The following BTRC variants were observed in gnomAD, a reference collection of about 807,000 sequenced individuals.
BTRC encodes the protein F-box/WD repeat-containing protein 1A.
In BTRC, 42 loss-of-function variants were observed where a neutral mutation model predicts 85.5. That is an observed-to-expected ratio of 0.49 (90% confidence interval 0.38 to 0.64). BTRC has a LOEUF of 0.64. BTRC is among the 30% of genes least tolerant of loss of function. The probability of loss-of-function intolerance (pLI) is 0.00; values close to 1 mark genes in which losing one functional copy is unlikely to be tolerated. For synonymous variants in BTRC, 255 were observed against 263.3 expected (o/e 0.97, Z 0.30); for missense variants, 594 against 743.5 (o/e 0.80, Z 2.34).
At chr10:101,357,399 C>T (rs1942069047) in intron 1 of BTRC, among the ~76,000 whole-genome samples, 1 of 140,646 alleles carries the variant, frequency 7.1e-6, no homozygotes, top group Non-Finnish European at 1.5e-5. Context: ...TGAGATCGTG[C>T]CATTACACTC....
chr10:101,456,508 G>A (rs1945087648), intron 2 of BTRC, among the ~76,000 whole-genome samples: 1 of 151,822 alleles, frequency 6.6e-6, no homozygotes, highest in Admixed American at 6.6e-5. Flanking sequence ...GATGGTAAAA[G>A]AGTGCTTTAA....
At chr10:101,539,049 TAAAA>T (rs34996474) in intron 13 of BTRC, among the ~76,000 whole-genome samples, 1 of 141,262 alleles carries the variant, frequency 7.1e-6, no homozygotes, top group Admixed American at 7.0e-5. Context: ...AACTCTGTCT[TAAAA>T]AAAAAAAAAA....
chr10:101,420,482 G>A (rs1944070776), intron 1 of BTRC, among the ~76,000 whole-genome samples: 3 of 151,846 alleles, frequency 2.0e-5, no homozygotes, highest in Admixed American at 1.3e-4. Context: ...TTCTTCTGCC[G>A]ACATGGGCAA....
At chr10:101,423,455 A>G (rs1427254268) in intron 1 of BTRC, among the ~76,000 whole-genome samples, 1 of 152,188 alleles carries the variant, frequency 6.6e-6, no homozygotes, top group African/African-American at 2.4e-5. Context: ...ATATTTGAAA[A>G]TTTACCTAAA....
At chr10:101,463,753 A>G (rs1945291156) in intron 3 of BTRC, among the ~76,000 whole-genome samples, 1 of 152,140 alleles carries the variant, frequency 6.6e-6, no homozygotes, top group Non-Finnish European at 1.5e-5. Context: ...TGATACTCAG[A>G]TCTCAGTGTT....
chr10:101,384,011 C>A lies in BTRC; in HGVS notation c.48+29783C>A, dbSNP rs528341280. ...GGTACCACAGGCTTGTATCACCATGCCCTGTCTAGGTTATTGTAAAACATA... is the reference window on the plus strand; with the variant it reads ...GGTACCACAGGCTTGTATCACCATGACCTGTCTAGGTTATTGTAAAACATA... On this transcript the variant is annotated intron_variant, in intron 1 of 14. Coordinates refer to ENST00000370187, the MANE Select transcript of BTRC (RefSeq NM_033637.4). 2.0e-5 allele frequency among the ~76,000 whole-genome samples: 3 copies of A among 152,272 alleles called. No homozygotes were observed. In the South Asian group the frequency reaches 6.2e-4, roughly 32 times the overall value.
At chr10:101,390,650 T>C (rs1943214431) in intron 1 of BTRC, among the ~76,000 whole-genome samples, 1 of 151,990 alleles carries the variant, frequency 6.6e-6, no homozygotes, top group Non-Finnish European at 1.5e-5. Context: ...TAATTTTCAA[T>C]AAATGAGCTT....
chr10:101,398,155 T>C (rs1448008553), intron 1 of BTRC, among the ~76,000 whole-genome samples: 1 of 152,162 alleles, frequency 6.6e-6, no homozygotes, highest in African/African-American at 2.4e-5. Context: ...ATAAGTCTTC[T>C]AGTAAAGATG....
intron 3 of BTRC, among the ~76,000 whole-genome samples, chr10:101,465,272 GT>G (rs781611008): frequency 6.6e-6 from 1 of 152,094 alleles, no homozygotes; most frequent in African/African-American, 2.4e-5. Flanking sequence ...ATTATAAAAA[GT>G]TCAGTTATCT....
At chr10:101,498,953 AT>A (rs1022154003) in intron 4 of BTRC, among the ~76,000 whole-genome samples, 1 of 151,966 alleles carries the variant, frequency 6.6e-6, no homozygotes, top group African/African-American at 2.4e-5. Context: ...AGATCATGCC[AT>A]TGCACTCCAG....
chr10:101,552,484 G>A (rs974621301), intron 14 of BTRC, among the ~76,000 whole-genome samples: 7 of 151,298 alleles, frequency 4.6e-5, no homozygotes, highest in East Asian at 2.0e-4. Flanking sequence ...GTGAGCCACC[G>A]CACCCGGCCT....
chr10:101,536,457 A>G, intron 11 of BTRC, 86 bp from the exon 12 acceptor site: 1 of 910,816 alleles, frequency 1.1e-6, no homozygotes, highest in Non-Finnish European at 1.8e-6. Context: ...ATGAATTTTT[A>G]GAAGGCATAT....
chr10:101,394,433 C>T (rs892346687), intron 1 of BTRC, among the ~76,000 whole-genome samples: 6 of 152,148 alleles, frequency 3.9e-5, no homozygotes, highest in Non-Finnish European at 8.8e-5. Flanking sequence ...TTGTGGATTT[C>T]ACCTTGTTTC....
At chr10:101,354,398 C>A in intron 1 of BTRC, 170 bp downstream of exon 1, 1 of 707,662 alleles carries the variant, frequency 1.4e-6, no homozygotes, top group Non-Finnish European at 2.2e-6. Context: ...CTGGGGGTTG[C>A]GGAGCGGACC....
intron 1 of BTRC, among the ~76,000 whole-genome samples, chr10:101,366,819 T>G (rs1942403276): frequency 3.6e-5 from 2 of 55,164 alleles, no homozygotes; most frequent in African/African-American, 9.9e-5. Flanking sequence ...TTTATATATA[T>G]TAATATATAT....
chr10:101,385,253 G>C (rs1173848111), intron 1 of BTRC, among the ~76,000 whole-genome samples: 1 of 151,372 alleles, frequency 6.6e-6, no homozygotes, highest in South Asian at 2.1e-4. Context: ...TGTAGTCCCA[G>C]CTACTCAGGA....
intron 2 of BTRC, among the ~76,000 whole-genome samples, chr10:101,435,979 A>G (rs1395309017): frequency 6.6e-6 from 1 of 152,110 alleles, no homozygotes. Context: ...AATTTGTTGG[A>G]TTATTCCCAG....
intron 3 of BTRC, among the ~76,000 whole-genome samples, chr10:101,472,419 A>G (rs894576417): frequency 6.6e-6 from 1 of 151,820 alleles, no homozygotes; most frequent in African/African-American, 2.4e-5. Context: ...ATCCTCCTGC[A>G]TTGGCTTCCC....
In BTRC at chr10:101,533,171, T is replaced by C. The variant is rs867802160; in HGVS notation, c.1097+101T>C. 91 of 737,550 alleles carry C rather than the reference T, an allele frequency of 1.2e-4. No individual in the cohort carries two copies. In the African/African-American group the frequency reaches 1.4e-3, roughly 12 times the overall value. 45.7% of individuals were successfully genotyped at this position (737,550 alleles called of 1,614,324 possible). A position where few individuals can be genotyped will look rare whatever the true frequency, so the allele number is the denominator to read the frequency against. On this transcript the variant is annotated intron_variant, in intron 9 of 14. Coordinates refer to ENST00000370187, the MANE Select transcript of BTRC (RefSeq NM_033637.4). Reference sequence around the variant, plus strand: ...GTATATATCGGCACAGTTCTGAAACTAAAGAAGAATAAACCACCAGGTCCC... The same window carrying C: ...GTATATATCGGCACAGTTCTGAAACCAAAGAAGAATAAACCACCAGGTCCC...
Sources: allele counts gnomAD v4.1 joint callset (sites outside exome capture counted in the v4.1 genomes callset), GRCh38; gene constraint gnomAD v4.1.1; transcripts MANE v1.5; gene names NCBI Gene and HGNC (gene_info 2026-07-23, HGNC 2026-07-21).